Variants in OPN3 observed in about 807,000 individuals in gnomAD.
The protein encoded by OPN3 is opsin 3, also known as opsin-3.
In OPN3, 29 loss-of-function variants were observed where a neutral mutation model predicts 33.8. That is an observed-to-expected ratio of 0.86 (90% confidence interval 0.64 to 1.17). The LOEUF (loss-of-function observed/expected upper bound fraction) is 1.17. OPN3 is among the 50% of genes most tolerant of loss of function. The probability of loss-of-function intolerance (pLI) is 0.00; values close to 1 mark genes in which losing one functional copy is unlikely to be tolerated. For synonymous variants in OPN3, 216 were observed against 216.1 expected, an observed-to-expected ratio of 1.00 and a Z score of 0.00; for missense variants, 437 against 514.1, an observed-to-expected ratio of 0.85 and a Z score of 1.45.
chr1:241,622,106 T>C (rs911417771), intron 1 of OPN3, among the ~76,000 whole-genome samples: 1 of 152,202 alleles, frequency 6.6e-6, no homozygotes, highest in Admixed American at 6.5e-5. Flanking sequence ...CCACTTTTTG[T>C]GTGACCTTGA....
At chr1:241,633,752 T>C in intron 1 of OPN3, 1 of 1,596,302 alleles carries the variant, frequency 6.3e-7, no homozygotes, top group Non-Finnish European at 8.5e-7. Context: ...AAAATTCTGA[T>C]GCCATGAAGG....
At chr1:241,637,189 G>A (rs1664930810) in intron 1 of OPN3, among the ~76,000 whole-genome samples, 1 of 152,154 alleles carries the variant, frequency 6.6e-6, no homozygotes, top group African/African-American at 2.4e-5. Flanking sequence ...TAAACCTACT[G>A]AAATATAAAT....
At chr1:241,606,255 G>A (rs1277425104) in intron 1 of OPN3, among the ~76,000 whole-genome samples, 3 of 152,174 alleles carry the variant, frequency 2.0e-5, no homozygotes, top group Non-Finnish European at 2.9e-5. Context: ...GTAACTTTGA[G>A]GTTTTTGGCT....
chr1:241,628,516 T>G (rs918170420), intron 1 of OPN3, among the ~76,000 whole-genome samples: 2 of 152,270 alleles, frequency 1.3e-5, no homozygotes, highest in East Asian at 1.9e-4. Flanking sequence ...TTCGGTCACA[T>G]CTATGAATCC....
chr1:241,597,786 G>A lies in OPN3; in HGVS notation c.905C>T (p.Thr302Ile). The A allele has an allele frequency of 6.2e-7, 1 of 1,613,804 alleles. No individual in the cohort carries two copies. The highest frequency in any genetic ancestry group is 1.1e-5 in the South Asian group (1 of 91,072). Residue 302 changes from threonine to isoleucine, a missense_variant, in exon 3 of 4, where the codon ACT (threonine) becomes ATT (isoleucine). Thr to Ile is a moderately conservative substitution (Grantham distance 89). Transcript: ENST00000366554. ...IVSYLFAKSN[T>I]VYNPVIYVFM... The stretch of plus-strand genomic sequence containing the variant: ...GACATAAATCACTGGATTGTATACA[G>A]TGTTCGATTTAGCAAAGAGGTACGA...
intron 1 of OPN3, chr1:241,630,869 T>C (rs1347758555): frequency 6.6e-6 from 1 of 152,162 alleles, no homozygotes; most frequent in East Asian, 1.9e-4. Flanking sequence ...ATGGCTGTTC[T>C]GCTTAACACC....
chr1:241,636,432 T>C (rs958831989), intron 1 of OPN3, among the ~76,000 whole-genome samples: 2 of 152,226 alleles, frequency 1.3e-5, no homozygotes, highest in African/African-American at 2.4e-5. Flanking sequence ...GGCTCCACTG[T>C]TTATAGAAAC....
intron 1 of OPN3, among the ~76,000 whole-genome samples, chr1:241,628,441 A>G (rs1411280772): frequency 6.6e-6 from 1 of 152,140 alleles, no homozygotes; most frequent in African/African-American, 2.4e-5. Context: ...GACTGGAAGA[A>G]AGGGTCTGTC....
chr1:241,616,842 C>G (rs569516078), intron 1 of OPN3, among the ~76,000 whole-genome samples: 1 of 152,194 alleles, frequency 6.6e-6, no homozygotes, highest in South Asian at 2.1e-4. Context: ...AAGGCCAACT[C>G]CCTGCTGTTT....
chr1:241,597,756 A>G lies in OPN3; in HGVS notation c.935T>C (p.Met312Thr), dbSNP rs1333964957. 4 of 1,612,594 alleles carry G rather than the reference A, an allele frequency of 2.5e-6. No homozygotes were observed. The highest frequency in any genetic ancestry group is 3.4e-6 in the Non-Finnish European group (4 of 1,179,208). Residue 312 changes from methionine (M) to threonine (T), a missense_variant, in exon 3 of 4, where the codon ATG (methionine) becomes ACG (threonine). Coordinates refer to ENST00000366554, the MANE Select transcript of OPN3 (RefSeq NM_014322.3). The part of the protein sequence containing the change: ...TVYNPVIYVF[M>T]IRKFRRSLLQ... ...AATTGCAAAGCTTACCTTTCTGATC[A>G]TGAAGACATAAATCACTGGATTGTA...
chr1:241,634,645 G>C (rs747376587), intron 1 of OPN3: 3 of 1,613,958 alleles, frequency 1.9e-6, no homozygotes, highest in Non-Finnish European at 2.5e-6. Context: ...GAAATAAAAA[G>C]GGGGTGTTGC....
intron 1 of OPN3, among the ~76,000 whole-genome samples, chr1:241,611,595 A>T (rs1274850195): frequency 7.9e-5 from 12 of 152,142 alleles, no homozygotes; most frequent in Admixed American, 7.9e-4. Context: ...TGGAGATCTG[A>T]CAGAGCTTGC....
chr1:241,599,741 G>T (rs766886341), intron 2 of OPN3, among the ~76,000 whole-genome samples: 3 of 152,022 alleles, frequency 2.0e-5, no homozygotes, highest in Non-Finnish European at 2.9e-5. Flanking sequence ...ACTTTTGCTC[G>T]CAGTGTGATA....
At chr1:241,639,070 C>A (rs1212132038) in intron 1 of OPN3, 5 of 152,226 alleles carry the variant, frequency 3.3e-5, no homozygotes, top group African/African-American at 1.2e-4. Context: ...CATCATGTCT[C>A]AGTGAAACTT....
chr1:241,604,175 A>T, intron 2 of OPN3, 85 bp downstream of exon 2: 1 of 1,270,584 alleles, frequency 7.9e-7, no homozygotes, highest in Non-Finnish European at 1.1e-6. Flanking sequence ...TACTGATGAC[A>T]TAGGAAGACT....
intron 2 of OPN3, among the ~76,000 whole-genome samples, chr1:241,599,881 ATACT>A (rs1336071004): frequency 6.6e-6 from 1 of 152,180 alleles, no homozygotes; most frequent in African/African-American, 2.4e-5. Flanking sequence ...TTGAGGTTAA[ATACT>A]TATTTATATT....
At chr1:241,616,254 T>C (rs1664125671) in intron 1 of OPN3, among the ~76,000 whole-genome samples, 1 of 152,198 alleles carries the variant, frequency 6.6e-6, no homozygotes, top group African/African-American at 2.4e-5. Flanking sequence ...TTAGGCTTTA[T>C]ATGCGGGGAA....
In OPN3 at chr1:241,597,992, A is replaced by G. The variant is rs761891371; in HGVS notation, c.699T>C (p.Arg233=). The G allele has an allele frequency of 1.2e-5, 19 of 1,613,046 alleles. No homozygotes were observed. Among genetic ancestry groups the G allele is most frequent in the Admixed American group, 1.7e-5 (1 of 59,846 alleles). Residue 233 remains arginine, a synonymous_variant, in exon 3 of 4, where the codon CGT becomes CGC. Transcript: ENST00000366554. ...GHILYSIRML[R]CVEDLQTIQV... is the part of the protein sequence containing the mutation. ...GAATTGTCTGAAGATCTTCCACACA[A>G]CGAAGCTGCAGAAAGGAGAAAGAAA...
rs1665045820 is a variant in OPN3, at chr1:241,639,814, G to A, written c.373+68C>T. The A allele has an allele frequency of 5.2e-6, 7 of 1,354,006 alleles. No homozygotes were observed. In the South Asian group the frequency reaches 9.7e-5, roughly 19 times the overall value. The allele number at this position is 1,354,006 out of a possible 1,614,324, so 83.9% of individuals were successfully genotyped here. On this transcript the variant is annotated intron_variant, in intron 1 of 3. Transcript: ENST00000366554. ...GGGGCGGGCTGGGGGGCGGACGCAC[G>A]GAGCGGGCAGCGGGGTGGGGAGTGG... is the stretch of plus-strand genomic sequence containing the variant.
Sources: gnomAD v4.1 joint callset for allele counts (sites outside exome capture counted in the v4.1 genomes callset) on GRCh38, gnomAD v4.1.1 for gene constraint, MANE v1.5 for transcripts, NCBI Gene and HGNC (gene_info 2026-07-23, HGNC 2026-07-21) for gene names.